The following CNTN5 variants were observed in gnomAD, a reference collection of about 807,000 sequenced individuals.
CNTN5 encodes the protein contactin 5, also known as contactin-5.
CNTN5 carries 77 observed loss-of-function variants against 129.1 expected under a neutral mutation model. The ratio of observed to expected loss-of-function variants is 0.60; its 90% confidence interval spans 0.50 to 0.72. CNTN5 has a LOEUF of 0.72. Among genes scored for constraint, CNTN5 ranks in the 30% least tolerant of loss-of-function variants. The pLI, the probability that CNTN5 is intolerant of heterozygous loss-of-function variation, is 0.00. For synonymous variants in CNTN5, 509 were observed against 465.6 expected (o/e 1.09, Z -1.20); for missense variants, 1,478 against 1,328.8 (o/e 1.11, Z -1.75).
chr11:100,283,697 G>A (rs1436555483), intron 18 of CNTN5, among the ~76,000 whole-genome samples: 8 of 152,156 alleles, frequency 5.3e-5, no homozygotes, highest in African/African-American at 1.9e-4. Flanking sequence ...TGTAATCCCA[G>A]CACTTTGGGA....
intron 1 of CNTN5, among the ~76,000 whole-genome samples, chr11:99,146,868 C>T (rs756433461): frequency 3.9e-5 from 6 of 151,978 alleles, no homozygotes; most frequent in East Asian, 1.9e-4. Context: ...ACTACAGGCA[C>T]GTGCCACCAC....
chr11:99,853,836 GAA>G (rs768661471), intron 6 of CNTN5, among the ~76,000 whole-genome samples: 1 of 148,384 alleles, frequency 6.7e-6, no homozygotes, highest in Non-Finnish European at 1.5e-5. Context: ...TATAAGTGGA[GAA>G]AAAAAAAATG....
chr11:99,278,242 C>G (rs1863535952), intron 1 of CNTN5, among the ~76,000 whole-genome samples: 1 of 151,592 alleles, frequency 6.6e-6, no homozygotes, highest in African/African-American at 2.4e-5. Context: ...TATGTGCTAA[C>G]AGTGGGCTAG....
At chr11:99,443,192 T>C (rs1734666753) in intron 2 of CNTN5, among the ~76,000 whole-genome samples, 1 of 152,210 alleles carries the variant, frequency 6.6e-6, no homozygotes, top group African/African-American at 2.4e-5. Context: ...AAAGACTGTC[T>C]GGATCTACCT....
At chr11:99,893,568 T>C (rs1565647813) in intron 6 of CNTN5, among the ~76,000 whole-genome samples, 1 of 152,146 alleles carries the variant, frequency 6.6e-6, no homozygotes, top group Non-Finnish European at 1.5e-5. Context: ...CTGCAGTCTC[T>C]CACAAGCTGA....
chr11:99,965,820 G>T (rs1002708443), intron 8 of CNTN5, among the ~76,000 whole-genome samples: 2 of 152,202 alleles, frequency 1.3e-5, no homozygotes, highest in Non-Finnish European at 2.9e-5. Context: ...CTAAGGACTT[G>T]CTATTCAAAA....
At chr11:100,280,791 AG>A (rs1490686730) in intron 18 of CNTN5, among the ~76,000 whole-genome samples, 1 of 151,920 alleles carries the variant, frequency 6.6e-6, no homozygotes, top group Non-Finnish European at 1.5e-5. Flanking sequence ...CTATTAGTGA[AG>A]GTGTTTTTCT....
chr11:99,916,839 C>A (rs1049897927), intron 7 of CNTN5, among the ~76,000 whole-genome samples: 6 of 151,820 alleles, frequency 4.0e-5, no homozygotes, highest in Non-Finnish European at 8.8e-5. Context: ...TTAAGAGTGA[C>A]CAGCATCAGT....
intron 15 of CNTN5, 79 bp downstream of exon 15, chr11:100,193,742 T>G (rs996553871): frequency 1.7e-5 from 21 of 1,260,762 alleles, no homozygotes; most frequent in Non-Finnish European, 2.2e-5. Context: ...TGCTTAGCTA[T>G]GAAGTGCTAA....
chr11:99,377,051 T>C (rs1159521716), intron 2 of CNTN5, among the ~76,000 whole-genome samples: 1 of 152,092 alleles, frequency 6.6e-6, no homozygotes, highest in Non-Finnish European at 1.5e-5. Flanking sequence ...TTAAGAAAGG[T>C]TGGGAGGGTC....
intron 1 of CNTN5, among the ~76,000 whole-genome samples, chr11:99,029,885 G>A (rs920409745): frequency 6.6e-6 from 1 of 152,070 alleles, no homozygotes; most frequent in African/African-American, 2.4e-5. Flanking sequence ...TATAATCAAT[G>A]AATTTAAAGC....
chr11:99,176,303 T>C (rs1039300946), intron 1 of CNTN5, among the ~76,000 whole-genome samples: 1 of 152,128 alleles, frequency 6.6e-6, no homozygotes, highest in African/African-American at 2.4e-5. Flanking sequence ...ATTAGATTAT[T>C]CCTGTTCTCT....
At chr11:99,075,055 G>T (rs557481881) in intron 1 of CNTN5, among the ~76,000 whole-genome samples, 1 of 152,248 alleles carries the variant, frequency 6.6e-6, no homozygotes, top group African/African-American at 2.4e-5. Flanking sequence ...TATAAAAACA[G>T]AAGAATGCCT....
At chr11:100,243,540 T>C (rs1003698718) in intron 16 of CNTN5, among the ~76,000 whole-genome samples, 15 of 152,156 alleles carry the variant, frequency 9.9e-5, no homozygotes, top group Admixed American at 1.3e-4. Flanking sequence ...GTCACATAGA[T>C]TCCATTTAAT....
chr11:99,868,229 A>AAC lies in CNTN5; in HGVS notation c.577+22968_577+22969insCA, dbSNP rs976622158. Among the ~76,000 whole-genome samples, 6 of 152,244 alleles carry AAC rather than the reference A, an allele frequency of 3.9e-5. No homozygotes were observed. The East Asian group carries it at 1.2e-3, about 29-fold the overall frequency. ...AAAACTCCATCTCATAAAAAAAAAA[A>AAC]AACAAAAAATTGTATTCTACATAAA... On this transcript the variant is annotated intron_variant, in intron 6 of 24. Transcript: ENST00000524871.
chr11:99,367,713 T>A (rs1939540249), intron 2 of CNTN5, among the ~76,000 whole-genome samples: 1 of 152,006 alleles, frequency 6.6e-6, no homozygotes, highest in Admixed American at 6.6e-5. Flanking sequence ...GTGTACCTGA[T>A]CACAAGAGAA....
intron 2 of CNTN5, among the ~76,000 whole-genome samples, chr11:99,462,751 T>C (rs1158193801): frequency 1.3e-5 from 2 of 152,080 alleles, no homozygotes; most frequent in African/African-American, 2.4e-5. Flanking sequence ...TACTGATTTG[T>C]AGATTAGGAC....
intron 1 of CNTN5, among the ~76,000 whole-genome samples, chr11:99,190,490 T>C (rs566633497): frequency 1.3e-5 from 2 of 151,892 alleles, no homozygotes; most frequent in South Asian, 4.1e-4. Context: ...CTTTGGGTAG[T>C]ATGAACATTT....
chr11:100,273,432 T>C (rs1591461475), intron 18 of CNTN5, among the ~76,000 whole-genome samples: 1 of 152,224 alleles, frequency 6.6e-6, no homozygotes, highest in Middle Eastern at 3.4e-3. Context: ...CAACCACCGT[T>C]GCAGACAGAG....
Sources: gnomAD v4.1 joint callset for allele counts (sites outside exome capture counted in the v4.1 genomes callset) on GRCh38, gnomAD v4.1.1 for gene constraint, MANE v1.5 for transcripts, NCBI Gene and HGNC (gene_info 2026-07-23, HGNC 2026-07-21) for gene names.